The following PLPPR1 variants were observed in gnomAD, a reference collection of about 807,000 sequenced individuals.
PLPPR1 encodes the protein phospholipid phosphatase related 1.
PLPPR1 carries 10 observed loss-of-function variants against 33.1 expected under a neutral mutation model. That is an observed-to-expected ratio of 0.30 (90% CI 0.19 to 0.51). The LOEUF (loss-of-function observed/expected upper bound fraction) is 0.51, where lower values mean the gene tolerates loss of function less well. Among genes scored for constraint, PLPPR1 ranks in the 20% least tolerant of loss-of-function variants. PLPPR1 has a pLI of 0.97. For synonymous variants in PLPPR1, 151 were observed against 151.0 expected, an observed-to-expected ratio of 1.00 and a Z score of 0.00; for missense variants, 304 against 408.1, an observed-to-expected ratio of 0.74 and a Z score of 2.20.
At chr9:101,251,132 CTTAT>C (rs982445268) in intron 2 of PLPPR1, among the ~76,000 whole-genome samples, 2 of 152,002 alleles carry the variant, frequency 1.3e-5, no homozygotes, top group Non-Finnish European at 2.9e-5. Context: ...CAAAATTAAA[CTTAT>C]TTAATTTTAA....
intron 4 of PLPPR1, among the ~76,000 whole-genome samples, chr9:101,302,774 A>C (rs901262205): frequency 6.6e-6 from 1 of 152,148 alleles, no homozygotes; most frequent in Non-Finnish European, 1.5e-5. Context: ...CCAGAAGCTA[A>C]TGGGAGGGCA....
At chr9:101,208,408 A>G (rs905168609) in intron 2 of PLPPR1, among the ~76,000 whole-genome samples, 3 of 152,168 alleles carry the variant, frequency 2.0e-5, no homozygotes, top group African/African-American at 7.2e-5. Context: ...CCTTGGTGAT[A>G]GTTTTCTTTG....
intron 1 of PLPPR1, among the ~76,000 whole-genome samples, chr9:101,164,518 A>T (rs1274858941): frequency 6.6e-6 from 1 of 151,932 alleles, no homozygotes; most frequent in East Asian, 1.9e-4. Flanking sequence ...GCACACCACC[A>T]TGGACAGCTA....
At chr9:101,077,204 C>T (rs1024661303) in intron 1 of PLPPR1, among the ~76,000 whole-genome samples, 1 of 152,202 alleles carries the variant, frequency 6.6e-6, no homozygotes, top group Non-Finnish European at 1.5e-5. Flanking sequence ...TGAGAAAAAG[C>T]CACTCTTTTT....
chr9:101,083,867 A>G (rs906428558), intron 1 of PLPPR1, among the ~76,000 whole-genome samples: 1 of 152,232 alleles, frequency 6.6e-6, no homozygotes, highest in South Asian at 2.1e-4. Context: ...ACAGTCATGC[A>G]TAATTCTCAT....
At chr9:101,258,197 A>C (rs994197371) in intron 2 of PLPPR1, among the ~76,000 whole-genome samples, 2 of 152,166 alleles carry the variant, frequency 1.3e-5, no homozygotes, top group African/African-American at 4.8e-5. Context: ...CATGACAGCC[A>C]GCTCAAATGT....
intron 3 of PLPPR1, among the ~76,000 whole-genome samples, chr9:101,282,423 G>A (rs35870850): frequency 0.36 from 54,195 of 151,942 alleles, 9,910 homozygotes; most frequent in African/African-American, 0.45. Context: ...CAATACAATA[G>A]AGGCCATATG....
chr9:101,035,269 T>A (rs1829995987), intron 1 of PLPPR1, among the ~76,000 whole-genome samples: 1 of 152,172 alleles, frequency 6.6e-6, no homozygotes, highest in Non-Finnish European at 1.5e-5. Flanking sequence ...ATGTGGAAAC[T>A]CTGTCATCTA....
chr9:101,063,201 T>G (rs983629212), intron 1 of PLPPR1, among the ~76,000 whole-genome samples: 3 of 152,078 alleles, frequency 2.0e-5, no homozygotes, highest in African/African-American at 4.8e-5. Flanking sequence ...CTTATTTCTT[T>G]TCATTTAAAA....
chr9:101,301,129 T>G (rs1442168072), intron 4 of PLPPR1, among the ~76,000 whole-genome samples: 2 of 152,220 alleles, frequency 1.3e-5, no homozygotes, highest in Non-Finnish European at 2.9e-5. Flanking sequence ...TATTAAGTAA[T>G]TATCCTTCAT....
At chr9:101,223,678 T>C (rs1827000781) in intron 2 of PLPPR1, among the ~76,000 whole-genome samples, 1 of 152,086 alleles carries the variant, frequency 6.6e-6, no homozygotes. Context: ...TTCCCCTGCT[T>C]GTACTCATTC....
At chr9:101,055,102 A>G (rs1387423591) in intron 1 of PLPPR1, among the ~76,000 whole-genome samples, 1 of 152,240 alleles carries the variant, frequency 6.6e-6, no homozygotes, top group South Asian at 2.1e-4. Context: ...CAATGATTAT[A>G]TAAAATGGTT....
chr9:101,277,627 A>G (rs1310105141), intron 3 of PLPPR1, among the ~76,000 whole-genome samples: 1 of 152,176 alleles, frequency 6.6e-6, no homozygotes, highest in Non-Finnish European at 1.5e-5. Context: ...CTAAAAAAGC[A>G]CCTTAGGGAT....
intron 2 of PLPPR1, among the ~76,000 whole-genome samples, chr9:101,218,340 AT>A (rs1826848774): frequency 6.6e-6 from 1 of 152,230 alleles, no homozygotes; most frequent in Non-Finnish European, 1.5e-5. Context: ...AATGATAAAT[AT>A]TGGAAGAAAC....
intron 1 of PLPPR1, among the ~76,000 whole-genome samples, chr9:101,114,231 T>G (rs1182113463): frequency 6.6e-6 from 1 of 152,216 alleles, no homozygotes; most frequent in Non-Finnish European, 1.5e-5. Flanking sequence ...TATCATTTCA[T>G]CCTCACAACA....
intron 4 of PLPPR1, among the ~76,000 whole-genome samples, chr9:101,292,297 G>A (rs1049398868): frequency 6.6e-6 from 1 of 152,148 alleles, no homozygotes; most frequent in African/African-American, 2.4e-5. Flanking sequence ...TATGTGAAAA[G>A]ACCAAATCTA....
At chr9:101,308,762 G>A (rs187024217) in intron 4 of PLPPR1, among the ~76,000 whole-genome samples, 25 of 152,142 alleles carry the variant, frequency 1.6e-4, no homozygotes, top group South Asian at 4.2e-4. Flanking sequence ...AAGGTATTTC[G>A]TATAGAAGGA....
chr9:101,034,820 CG>C (rs764560052), intron 1 of PLPPR1, among the ~76,000 whole-genome samples: 4 of 148,930 alleles, frequency 2.7e-5, no homozygotes, highest in African/African-American at 7.5e-5. Context: ...AATTTGGGGG[CG>C]GGGGGGTTGG....
At chr9:101,162,367 C>T (rs1402138417) in intron 1 of PLPPR1, among the ~76,000 whole-genome samples, 1 of 152,150 alleles carries the variant, frequency 6.6e-6, no homozygotes, top group African/African-American at 2.4e-5. Flanking sequence ...GGATTGTTCC[C>T]AGGCTGTGTC....
Sources: allele counts gnomAD v4.1 joint callset (sites outside exome capture counted in the v4.1 genomes callset), GRCh38; gene constraint gnomAD v4.1.1; transcripts MANE v1.5; gene names NCBI Gene and HGNC (gene_info 2026-07-23, HGNC 2026-07-21).